ARHGEF40: variants seen among roughly 807,000 people sequenced by gnomAD.
ARHGEF40 encodes the protein Rho guanine nucleotide exchange factor (GEF) 40.
In ARHGEF40, 98 loss-of-function variants were observed where a neutral mutation model predicts 165.9. The observed-to-expected ratio is 0.59, with a 90% confidence interval of 0.50 to 0.70. The LOEUF is 0.70. Ranked by LOEUF, ARHGEF40 falls within the 30% of genes least tolerant of loss-of-function variation. ARHGEF40 has a pLI of 0.00. For missense variants in ARHGEF40, 1,815 were observed against 1,968.0 expected (o/e 0.92, Z 1.47); for synonymous variants, 792 against 814.3 (o/e 0.97, Z 0.47).
chr14:21,062,520 G>C, the ARHGEF40 span, among the ~76,000 whole-genome samples: 14,366 of 152,228 alleles, frequency 0.094, 879 homozygotes, highest in Middle Eastern at 0.15. Flanking sequence ...AGCAGGGTTT[G>C]CCTGAGGCCC....
chr14:21,067,933 A>C (rs1401874378), upstream of ARHGEF40, among the ~76,000 whole-genome samples: 1 of 149,496 alleles, frequency 6.7e-6, no homozygotes, highest in East Asian at 1.9e-4. Context: ...CTGATTCTCT[A>C]TCCAAACTCC....
rs1887171407 is a variant in ARHGEF40, at chr14:21,073,834, T to C, written c.202-98T>C. On this transcript the variant is annotated intron_variant, in intron 2 of 23. Transcript: ENST00000298694. The surrounding 1 kb of genome is among the most constrained non-coding windows in gnomAD (Gnocchi z 4.6). ...TCCTGAGAGTATAACCTTCCAGGCA[T>C]AAGGCTGGTCCTGCCTAGGGTGGGC... 7 of 1,382,178 alleles carry C rather than the reference T, an allele frequency of 5.1e-6. No individual in the cohort carries two copies. The highest frequency in any genetic ancestry group is 5.9e-6 in the Non-Finnish European group (6 of 1,021,528). 85.6% of individuals were successfully genotyped at this position (1,382,178 alleles called of 1,614,324 possible). A position where few individuals can be genotyped will look rare whatever the true frequency, so the allele number is the denominator to read the frequency against.
rs766293818 is a variant in ARHGEF40, at chr14:21,081,699, G to C, written c.2831G>C (p.Arg944Pro). Reference sequence around the variant, plus strand: ...CGAGAATGGGGCCGCTGCCAGGCCCGCTGCCAAGAGCTAGAGAGGAGGATC... The same window carrying C: ...CGAGAATGGGGCCGCTGCCAGGCCCCCTGCCAAGAGCTAGAGAGGAGGATC... The part of the protein sequence containing the change: ...ALREWGRCQA[R>P]CQELERRIQQ... The change falls in exon 14 of 24, where the codon CGC (arginine) becomes CCC (proline). Residue 944 changes from arginine to proline, a missense_variant. By Grantham distance (103) the Arg-to-Pro change is moderately radical. Transcript: ENST00000298694. 1 of 1,579,720 alleles carries C rather than the reference G, an allele frequency of 6.3e-7. No homozygotes were observed. The highest frequency in any genetic ancestry group is 1.3e-5 in the African/African-American group (1 of 74,234).
chr14:21,087,880 G>C, intron 21 of ARHGEF40, 88 bp from the exon 22 acceptor site: 1 of 1,579,224 alleles, frequency 6.3e-7, no homozygotes, highest in Non-Finnish European at 8.6e-7. Flanking sequence ...TTGCTATGGA[G>C]CTTTTTCTTC....
At position 21,072,970 on chromosome 14, in the gene ARHGEF40, C is replaced by T. The variant is rs1887096868; in HGVS notation, c.4-75C>T. 1 of 1,480,234 alleles carries T rather than the reference C, an allele frequency of 6.8e-7. No homozygotes were observed. The highest frequency in any genetic ancestry group is 1.2e-5 in the South Asian group (1 of 81,558). 91.7% of individuals were successfully genotyped at this position (1,480,234 alleles called of 1,614,324 possible). A position where few individuals can be genotyped will look rare whatever the true frequency, so the allele number is the denominator to read the frequency against. On this transcript the variant is annotated intron_variant, in intron 1 of 23. Coordinates refer to ENST00000298694, the MANE Select transcript of ARHGEF40 (RefSeq NM_018071.5). This position sits in a 1 kb window ranked among gnomAD's most constrained non-coding sequence, Gnocchi z 4.1. ...GGGGCTTTGGAGAACACAGCCAACC[C>T]CAGACCAGTGCAGCTCCCAAGGAGC...
In ARHGEF40 at chr14:21,072,634, G is replaced by A. The variant is rs1480216550; in HGVS notation, c.4-411G>A. On this transcript the variant is annotated intron_variant, in intron 1 of 23. Transcript: ENST00000298694. This position sits in a 1 kb window ranked among gnomAD's most constrained non-coding sequence, Gnocchi z 4.1. Reference sequence around the variant, plus strand: ...TGGGTCTTATGGGAAGGGATTTGCAGGATGGCTGTGTGGAAATCTCCCTCA... The same window carrying A: ...TGGGTCTTATGGGAAGGGATTTGCAAGATGGCTGTGTGGAAATCTCCCTCA... Among the ~76,000 whole-genome samples the A allele has an allele frequency of 1.3e-5, 2 of 152,174 alleles. No individual in the cohort carries two copies. Among genetic ancestry groups the A allele is most frequent in the African/African-American group, 4.8e-5 (2 of 41,440 alleles).
chr14:21,088,789 G>C (rs1487835247), intron 22 of ARHGEF40, 41 bp from the exon 23 acceptor site: 1 of 1,524,516 alleles, frequency 6.6e-7, no homozygotes, highest in Non-Finnish European at 8.9e-7. Flanking sequence ...AGAAAGACAA[G>C]AAATATGTCC....
Position 21,089,493 on chromosome 14 carries a change from A to T in ARHGEF40, c.*485A>T, listed in dbSNP as rs73589932. 0.015 allele frequency: 2,244 copies of T among 152,818 alleles called. 52 individuals are homozygous for T. The highest frequency in any genetic ancestry group is 0.051 in the African/African-American group (2,116 of 41,554). 9.5% of individuals were successfully genotyped at this position (152,818 alleles called of 1,614,324 possible). On this transcript the variant is annotated 3_prime_UTR_variant, in exon 24 of 24. Coordinates refer to ENST00000298694, the MANE Select transcript of ARHGEF40 (RefSeq NM_018071.5). ...GACAGGGGAACCGTAGACTTTATAT[A>T]TGTAATTACTGTTATTATAATACTA...
intron 21 of ARHGEF40, chr14:21,087,731 C>A: frequency 1.4e-6 from 1 of 689,864 alleles, no homozygotes; most frequent in Non-Finnish European, 2.4e-6. Flanking sequence ...CTGTTGTACC[C>A]TCCTGGTTCA....
chr14:21,084,081 A>G (rs778889924), intron 17 of ARHGEF40, 31 bp downstream of exon 17: 20 of 1,565,502 alleles, frequency 1.3e-5, no homozygotes, highest in Non-Finnish European at 3.5e-6. Flanking sequence ...ACTGCTGCTC[A>G]AACTGCCCAG....
Position 21,070,885 on chromosome 14 carries a change from A to G in ARHGEF40, c.3+486A>G, listed in dbSNP as rs755551002. The G allele has an allele frequency of 1.3e-6, 2 of 1,535,104 alleles. No individual in the cohort carries two copies. Among genetic ancestry groups the G allele is most frequent in the South Asian group, 2.4e-5 (2 of 84,064 alleles). On this transcript the variant is annotated intron_variant, in intron 1 of 23. Transcript: ENST00000298694. This position sits in a 1 kb window ranked among gnomAD's most constrained non-coding sequence, Gnocchi z 4.7. ...CCAACCCGGTGAGGCAGGCCCACCC[A>G]TCCGGCCCTAGGGGACTGGCCACAG...
intron 18 of ARHGEF40, among the ~76,000 whole-genome samples, 178 bp from the exon 19 acceptor site, chr14:21,085,511 C>T (rs995435134): frequency 4.6e-5 from 7 of 152,250 alleles, no homozygotes; most frequent in African/African-American, 1.7e-4. Context: ...CTCATTTCCC[C>T]TTCTGTAAAT....
rs1566531130 is a variant in ARHGEF40, at chr14:21,080,667, A to G, written c.2381A>G (p.Gln794Arg). ...QCLRRLQQVL[Q>R]WLSGPGEEQL... ...CCACCCCATCTGCCTCAGGTGTTGCAGTGGCTCTCGGGCCCAGGGGAGGAG... is the reference window on the plus strand; with the variant it reads ...CCACCCCATCTGCCTCAGGTGTTGCGGTGGCTCTCGGGCCCAGGGGAGGAG... Residue 794 changes from glutamine to arginine, a missense_variant, in exon 12 of 24, where the codon CAG becomes CGG. Gln to Arg is a conservative substitution (Grantham distance 43). Transcript: ENST00000298694. The G allele has an allele frequency of 4.3e-6, 7 of 1,610,084 alleles. No homozygotes were observed. The highest frequency in any genetic ancestry group is 5.1e-6 in the Non-Finnish European group (6 of 1,178,896).
chr14:21,086,952 T>A, intron 19 of ARHGEF40, 49 bp from the exon 20 acceptor site: 3 of 1,449,448 alleles, frequency 2.1e-6, no homozygotes, highest in Non-Finnish European at 2.9e-6. Flanking sequence ...ATGCTAGGGC[T>A]AGAGAGAAGG....
Position 21,089,039 on chromosome 14 carries a change from T to G in ARHGEF40, c.*31T>G. 1.5e-6 allele frequency: 1 copy of G among 657,660 alleles called. No homozygotes were observed. Among genetic ancestry groups the G allele is most frequent in the Non-Finnish European group, 2.5e-6 (1 of 395,790 alleles). The allele number at this position is 657,660 out of a possible 1,614,324, so 40.7% of individuals were successfully genotyped here. A position where few individuals can be genotyped will look rare whatever the true frequency, so the allele number is the denominator to read the frequency against. ...AGAAGATCCAGAACTTGCGTGCAGC[T>G]TCTCCTCTCAGCACACTTTGGGCTG... is the stretch of plus-strand genomic sequence containing the variant. On this transcript the variant is annotated 3_prime_UTR_variant, in exon 24 of 24. Coordinates refer to ENST00000298694, the MANE Select transcript of ARHGEF40 (RefSeq NM_018071.5).
chr14:21,085,994 C>A, intron 19 of ARHGEF40, 128 bp downstream of exon 19: 2 of 1,097,376 alleles, frequency 1.8e-6, no homozygotes, highest in Non-Finnish European at 2.6e-6. Flanking sequence ...TAATAAGATT[C>A]AAGATTTGGC....
At chr14:21,081,374 A>G in intron 13 of ARHGEF40, 135 bp from the exon 14 acceptor site, 1 of 1,262,544 alleles carries the variant, frequency 7.9e-7, no homozygotes, top group South Asian at 1.4e-5. Context: ...TGATGGTGGA[A>G]CAGTGAGAAA....
chr14:21,084,320 T>A (rs1233554334), intron 17 of ARHGEF40, among the ~76,000 whole-genome samples: 1 of 152,188 alleles, frequency 6.6e-6, no homozygotes, highest in Non-Finnish European at 1.5e-5. Flanking sequence ...TCTTTCCCCA[T>A]CTACCCCATA....
At chr14:21,068,367 A>G (rs1022230042), upstream of ARHGEF40, among the ~76,000 whole-genome samples, 15 of 151,878 alleles carry the variant, frequency 9.9e-5, no homozygotes, top group Middle Eastern at 6.8e-3. Context: ...GTGGACCCCC[A>G]TAGCCAGATT....
Sources: gnomAD v4.1 joint callset for allele counts (sites outside exome capture counted in the v4.1 genomes callset) on GRCh38, gnomAD v4.1.1 for gene constraint, Gnocchi (gnomAD v3.1) non-coding constraint, MANE v1.5 for transcripts, NCBI Gene and HGNC (gene_info 2026-07-23, HGNC 2026-07-21) for gene names.